ARHGEF18: variants seen among roughly 807,000 people sequenced by gnomAD.
ARHGEF18 encodes the protein rho guanine nucleotide exchange factor 18.
In ARHGEF18, 93 loss-of-function variants were observed where a neutral mutation model predicts 155.7. The observed-to-expected ratio is 0.60, with a 90% confidence interval of 0.50 to 0.71. The LOEUF (loss-of-function observed/expected upper bound fraction) is 0.71, where lower values mean the gene tolerates loss of function less well. Among genes scored for constraint, ARHGEF18 ranks in the 30% least tolerant of loss-of-function variants. ARHGEF18 has a pLI of 0.00. For synonymous variants in ARHGEF18, 742 were observed against 753.1 expected (o/e 0.99, Z 0.24); for missense variants, 1,593 against 1,816.1 (o/e 0.88, Z 2.23).
intron 15 of ARHGEF18, among the ~76,000 whole-genome samples, chr19:7,448,636 G>A (rs2145816159): frequency 6.6e-6 from 1 of 151,992 alleles, no homozygotes; most frequent in South Asian, 2.1e-4. Context: ...ACTCCAGCCT[G>A]GGCAACAAGA....
chr19:7,466,839 G>GGAAAAAGAAA (rs2145907867), intron 23 of ARHGEF18, 79 bp from the exon 24 acceptor site: 2 of 623,184 alleles, frequency 3.2e-6, no homozygotes, highest in Non-Finnish European at 2.5e-6. Context: ...TAAAAAAAAA[G>GGAAAAAGAAA]AAGAAGAAGA....
In ARHGEF18 at chr19:7,463,292, G is replaced by A. The variant is rs1309347128; in HGVS notation, c.2636-526G>A. ...CAGTGGCCATTGTTCTTGGCCCCCT[G>A]GGGACACTCTCATATCCCGCACCTT... On this transcript the variant is annotated intron_variant, in intron 21 of 28. Coordinates refer to ENST00000668164, the MANE Select transcript of ARHGEF18 (RefSeq NM_001367823.1). The surrounding 1 kb of genome is among the most constrained non-coding windows in gnomAD (Gnocchi z 5.2). 1.3e-5 allele frequency among the ~76,000 whole-genome samples: 2 copies of A among 152,106 alleles called. No homozygotes were observed. Among genetic ancestry groups the A allele is most frequent in the Non-Finnish European group, 2.9e-5 (2 of 68,010 alleles).
intron 23 of ARHGEF18, among the ~76,000 whole-genome samples, chr19:7,465,341 C>G (rs1432833832): frequency 6.6e-6 from 1 of 151,964 alleles, no homozygotes; most frequent in African/African-American, 2.4e-5. Context: ...CAATAATAAG[C>G]AGGGGCCGGG....
At chr19:7,354,002 C>T (rs1969221761) in intron 1 of ARHGEF18, among the ~76,000 whole-genome samples, 1 of 151,434 alleles carries the variant, frequency 6.6e-6, no homozygotes, top group African/African-American at 2.4e-5. Context: ...AAATAGATAT[C>T]CCTGTTGTAT....
downstream of ARHGEF18, chr19:7,473,268 C>T (rs1052624535): frequency 1.8e-5 from 8 of 456,020 alleles, no homozygotes; most frequent in Admixed American, 1.4e-4. Flanking sequence ...ATCACTAGCT[C>T]ACTAGGAAGC....
chr19:7,357,920 G>C (rs137866171), intron 1 of ARHGEF18, among the ~76,000 whole-genome samples: 5 of 151,904 alleles, frequency 3.3e-5, no homozygotes, highest in Non-Finnish European at 7.4e-5. Flanking sequence ...TCTGTGCCTC[G>C]CTCACCTTGG....
intron 5 of ARHGEF18, among the ~76,000 whole-genome samples, chr19:7,377,888 C>T (rs908052548): frequency 6.6e-6 from 1 of 151,864 alleles, no homozygotes; most frequent in Admixed American, 6.6e-5. Context: ...AGTTCGAGAC[C>T]ACCCTGGCCA....
chr19:7,449,019 A>T (rs1177777868), intron 15 of ARHGEF18, among the ~76,000 whole-genome samples: 1 of 152,058 alleles, frequency 6.6e-6, no homozygotes, highest in East Asian at 1.9e-4. Context: ...ACTTCATTGC[A>T]TTATAGGTAG....
At chr19:7,363,222 G>T (rs1277472131) in intron 2 of ARHGEF18, among the ~76,000 whole-genome samples, 1 of 151,900 alleles carries the variant, frequency 6.6e-6, no homozygotes, top group Non-Finnish European at 1.5e-5. Context: ...GTAGAAGGAT[G>T]GATGGATGGA....
At position 7,458,502 on chromosome 19, in the gene ARHGEF18, A is replaced by G; in HGVS notation, c.2182-10A>G. The G allele has an allele frequency of 6.2e-7, 1 of 1,613,216 alleles. No individual in the cohort carries two copies. On this transcript the variant is annotated splice_polypyrimidine_tract_variant and intron_variant, in intron 18 of 28. Coordinates refer to ENST00000668164, the MANE Select transcript of ARHGEF18 (RefSeq NM_001367823.1). The stretch of plus-strand genomic sequence containing the variant: ...AAGGGTGACCTCCCCAATGCCCTCT[A>G]CTCATGCAGGACTCAAAGCCACCCG...
At chr19:7,456,225 T>C (rs2145856176) in intron 17 of ARHGEF18, 102 bp from the exon 18 acceptor site, 1 of 1,030,882 alleles carries the variant, frequency 9.7e-7, no homozygotes, top group Non-Finnish European at 1.5e-6. Context: ...AGAAGCATCA[T>C]GCTGCTTACA....
At position 7,472,123 on chromosome 19, in the gene ARHGEF18, T is replaced by C. The variant is rs1977061340; in HGVS notation, c.*1825T>C. ...CTCCGAGATGCCACAATTCCTTGGA[T>C]GGGGGAGAAGTTCAAGGAATTTCTG... On this transcript the variant is annotated 3_prime_UTR_variant, in exon 29 of 29. Coordinates refer to ENST00000668164, the MANE Select transcript of ARHGEF18 (RefSeq NM_001367823.1). 1 of 152,164 alleles carries C rather than the reference T, an allele frequency of 6.6e-6. No homozygotes were observed. Among genetic ancestry groups the C allele is most frequent in the Non-Finnish European group, 1.5e-5 (1 of 67,992 alleles). 9.4% of individuals were successfully genotyped at this position (152,164 alleles called of 1,614,324 possible). A position where few individuals can be genotyped will look rare whatever the true frequency, so the allele number is the denominator to read the frequency against.
chr19:7,412,236 C>T (rs761306936), intron 10 of ARHGEF18, among the ~76,000 whole-genome samples: 1 of 151,240 alleles, frequency 6.6e-6, no homozygotes, highest in Non-Finnish European at 1.5e-5. Context: ...AGGCTGGTCT[C>T]GAACTCCTGA....
chr19:7,388,642 A>G (rs978466604), intron 10 of ARHGEF18, among the ~76,000 whole-genome samples: 2 of 151,706 alleles, frequency 1.3e-5, no homozygotes, highest in Admixed American at 1.3e-4. Flanking sequence ...AGCAGTTGGC[A>G]CCATCCCAGC....
chr19:7,391,130 G>C (rs1425890008), intron 10 of ARHGEF18, among the ~76,000 whole-genome samples: 1 of 152,052 alleles, frequency 6.6e-6, no homozygotes, highest in Non-Finnish European at 1.5e-5. Flanking sequence ...CCTGTGTCAG[G>C]AGGCATGAAG....
intron 2 of ARHGEF18, among the ~76,000 whole-genome samples, chr19:7,366,053 C>A (rs1251448823): frequency 6.6e-6 from 1 of 152,166 alleles, no homozygotes; most frequent in Non-Finnish European, 1.5e-5. Flanking sequence ...TCAAGAGATT[C>A]TTGTGCCTCA....
chr19:7,478,348 G>C, the ARHGEF18 span: 1 of 1,611,352 alleles, frequency 6.2e-7, no homozygotes, highest in African/African-American at 1.3e-5. Flanking sequence ...CGCAGCCTCT[G>C]TCTCAGTTTC....
At chr19:7,431,603 G>A (rs927255480) in intron 10 of ARHGEF18, among the ~76,000 whole-genome samples, 1 of 151,836 alleles carries the variant, frequency 6.6e-6, no homozygotes, top group Non-Finnish European at 1.5e-5. Flanking sequence ...ATCACCTGAG[G>A]TCGGGAGTTT....
chr19:7,478,471 C>T, the ARHGEF18 span: 4 of 1,327,580 alleles, frequency 3.0e-6, no homozygotes, highest in Non-Finnish European at 4.2e-6. Context: ...GGGACAGGTG[C>T]TGCATCTCGG....
Sources: gnomAD v4.1 joint callset for allele counts (sites outside exome capture counted in the v4.1 genomes callset) on GRCh38, gnomAD v4.1.1 for gene constraint, Gnocchi (gnomAD v3.1) non-coding constraint, MANE v1.5 for transcripts, NCBI Gene and HGNC (gene_info 2026-07-23, HGNC 2026-07-21) for gene names.